The following USP42 variants were observed in gnomAD, a reference collection of about 807,000 sequenced individuals.
USP42 encodes ubiquitin carboxyl-terminal hydrolase 42.
USP42 carries 23 observed loss-of-function variants against 113.0 expected under a neutral mutation model. The ratio of observed to expected loss-of-function variants is 0.20; its 90% CI spans 0.15 to 0.29. The LOEUF is 0.29. Among genes scored for constraint, USP42 ranks in the 10% least tolerant of loss-of-function variants. The pLI, the probability that USP42 is intolerant of heterozygous loss-of-function variation, is 1.00. For synonymous variants in USP42, 933 were observed against 699.0 expected (o/e 1.33, Z -5.28); for missense variants, 2,174 against 1,779.8 (o/e 1.22, Z -3.99).
intron 3 of USP42, among the ~76,000 whole-genome samples, chr7:6,124,156 G>A (rs1780392436): frequency 6.6e-6 from 1 of 151,932 alleles, no homozygotes; most frequent in East Asian, 1.9e-4. Flanking sequence ...GATTACAGGC[G>A]TGAGCTACCA....
the USP42 span, among the ~76,000 whole-genome samples, chr7:6,097,196 T>A: frequency 6.6e-6 from 1 of 151,050 alleles, no homozygotes; most frequent in East Asian, 1.9e-4. Context: ...GGGGTACCAC[T>A]TTTCCAACAC....
At chr7:6,140,233 C>T in intron 6 of USP42, 38 bp downstream of exon 6, 1 of 1,567,840 alleles carries the variant, frequency 6.4e-7, no homozygotes, top group African/African-American at 1.4e-5. Context: ...ATGATACACA[C>T]ATGTGGTTAA....
rs549660577 is a variant in USP42, at chr7:6,158,552, A to T, written c.3944-898A>T. On this transcript the variant is annotated intron_variant, in intron 16 of 17. Coordinates refer to ENST00000306177, the MANE Select transcript of USP42 (RefSeq NM_032172.3). The surrounding 1 kb of genome is among the most constrained non-coding windows in gnomAD (Gnocchi z 4.2). Reference sequence around the variant, plus strand: ...GGGTAAACGGTCCTTAGAGTGTGTGAGAGAGAGCTGGGGGTTGCGGGGTGA... The same window carrying T: ...GGGTAAACGGTCCTTAGAGTGTGTGTGAGAGAGCTGGGGGTTGCGGGGTGA... Among the ~76,000 whole-genome samples the T allele has an allele frequency of 5.8e-4, 89 of 152,228 alleles. No homozygotes were observed. Among genetic ancestry groups the T allele is most frequent in the Non-Finnish European group, 1.0e-3 (70 of 68,008 alleles).
chr7:6,099,083 G>A, the USP42 span, among the ~76,000 whole-genome samples: 2 of 149,834 alleles, frequency 1.3e-5, no homozygotes, highest in African/African-American at 5.0e-5. Flanking sequence ...TTTAGGTTAA[G>A]TCCTCTGCCT....
rs1216075189 is a variant in USP42 at position 6,154,531 on chromosome 7, C to T, written c.2977C>T (p.Arg993Cys). ...TCPRERDRQD[R>C]HAPEHHPGHG... ...CCCCCGGGAGCGCGACCGCCAGGAC[C>T]GCCACGCCCCGGAGCACCACCCCGG... is the stretch of plus-strand genomic sequence containing the variant. The change falls in exon 15 of 18, where the codon CGC becomes TGC. Residue 993 changes from arginine (R) to cysteine (C), a missense_variant. Transcript: ENST00000306177. 5.2e-6 allele frequency: 8 copies of T among 1,542,356 alleles called. No homozygotes were observed. In the East Asian group the frequency reaches 1.2e-4, roughly 24 times the overall value.
In USP42 at chr7:6,157,745, T is replaced by G. The variant is rs6463530; in HGVS notation, c.3943+690T>G. Reference sequence around the variant, plus strand: ...GCTCGGTACTGATTTGCTCGCTTGGTTCCTTAGAAGCGTGGGCACCAGCCT... The same window carrying G: ...GCTCGGTACTGATTTGCTCGCTTGGGTCCTTAGAAGCGTGGGCACCAGCCT... On this transcript the variant is annotated intron_variant, in intron 16 of 17. Coordinates refer to ENST00000306177, the MANE Select transcript of USP42 (RefSeq NM_032172.3). The surrounding 1 kb of genome is among the most constrained non-coding windows in gnomAD (Gnocchi z 4.1). Among the ~76,000 whole-genome samples, 51,766 of 151,866 alleles carry G rather than the reference T, an allele frequency of 0.34. 11,875 individuals are homozygous for G. The highest frequency in any genetic ancestry group is 0.66 in the African/African-American group (27,186 of 41,332).
the USP42 span, among the ~76,000 whole-genome samples, chr7:6,096,027 T>C: frequency 6.6e-6 from 1 of 150,956 alleles, no homozygotes; most frequent in South Asian, 2.1e-4. Context: ...TTCCCAAGCA[T>C]TGGGATTCCA....
upstream of USP42, among the ~76,000 whole-genome samples, chr7:6,104,007 C>T (rs1280985892): frequency 6.6e-6 from 1 of 151,366 alleles, no homozygotes; most frequent in Admixed American, 6.6e-5. Flanking sequence ...TCGCTTGAGC[C>T]CGGGAGGTCG....
In USP42 at chr7:6,118,337, C is replaced by T. The variant is rs574632327; in HGVS notation, c.442+2814C>T. 6.6e-5 allele frequency among the ~76,000 whole-genome samples: 10 copies of T among 152,190 alleles called. No individual in the cohort carries two copies. In the South Asian group the frequency reaches 1.5e-3, roughly 22 times the overall value. ...AGTAGTTTGAGACCAGTTTGGGCAA[C>T]ATGGTGAAACCCTGTCTCTATAAAA... On this transcript the variant is annotated intron_variant, in intron 3 of 17. Transcript: ENST00000306177.
the USP42 span, among the ~76,000 whole-genome samples, chr7:6,098,218 T>C: frequency 6.7e-6 from 1 of 150,324 alleles, no homozygotes; most frequent in Admixed American, 6.6e-5. Context: ...AGCTTATTTC[T>C]ATTGTCAAAT....
In USP42 at chr7:6,157,861, G is replaced by T. The variant is rs180970720; in HGVS notation, c.3943+806G>T. On this transcript the variant is annotated intron_variant, in intron 16 of 17. Transcript: ENST00000306177. This position sits in a 1 kb window ranked among gnomAD's most constrained non-coding sequence, Gnocchi z 4.1. ...GGATTCTCTTCTGCCCTGTGGGGCT[G>T]TGTCTCCGTCCTGTGGCCACACGCT... 4.6e-4 allele frequency among the ~76,000 whole-genome samples: 70 copies of T among 152,282 alleles called. No individual in the cohort carries two copies. Among genetic ancestry groups the T allele is most frequent in the Non-Finnish European group, 8.2e-4 (56 of 68,028 alleles).
rs368322762 is a variant in USP42, at chr7:6,146,231, T to C, written c.1215T>C (p.Tyr405=). 3.4e-5 allele frequency: 54 copies of C among 1,593,680 alleles called. No homozygotes were observed. Among genetic ancestry groups the C allele is most frequent in the Non-Finnish European group, 4.4e-5 (51 of 1,171,650 alleles). ...DIRSVLSQQA[Y]VLFYIRSHDV... is the part of the protein sequence containing the mutation. ...GATCGGTACTCAGCCAACAAGCCTATGTGCTCTTTTATATCAGGTATTGTC... is the reference window on the plus strand; with the variant it reads ...GATCGGTACTCAGCCAACAAGCCTACGTGCTCTTTTATATCAGGTATTGTC... Residue 405 remains tyrosine, a synonymous_variant, in exon 11 of 18, where the codon TAT becomes TAC. Coordinates refer to ENST00000306177, the MANE Select transcript of USP42 (RefSeq NM_032172.3).
Position 6,152,545 on chromosome 7 carries a change from G to T in USP42, c.2202-1211G>T, listed in dbSNP as rs549248105. Reference sequence around the variant, plus strand: ...CACTGAGGCCCTCTGTTAGGAGGGCGTAGATATTAAACCGGAATGGGGCGA... The same window carrying T: ...CACTGAGGCCCTCTGTTAGGAGGGCTTAGATATTAAACCGGAATGGGGCGA... On this transcript the variant is annotated intron_variant, in intron 14 of 17. Transcript: ENST00000306177. Among the ~76,000 whole-genome samples the T allele has an allele frequency of 4.6e-5, 7 of 152,256 alleles. No homozygotes were observed. The South Asian group carries it at 1.2e-3, about 27-fold the overall frequency.
Position 6,154,448 on chromosome 7 carries a change from C to A in USP42, c.2894C>A (p.Pro965His). 1 of 1,566,980 alleles carries A rather than the reference C, an allele frequency of 6.4e-7. No individual in the cohort carries two copies. The highest frequency in any genetic ancestry group is 8.6e-7 in the Non-Finnish European group (1 of 1,157,436). The part of the protein sequence containing the change: ...SRRERSSSGE[P>H]ARESRSKTEG... ...AGAGAGCGCTCGTCCAGCGGGGAGC[C>A]CGCCAGAGAGAGCAGGAGCAAGACT... Residue 965 changes from proline (P) to histidine (H), a missense_variant, in exon 15 of 18, where the codon CCC becomes CAC. Transcript: ENST00000306177.
At position 6,159,056 on chromosome 7, in the gene USP42, G is replaced by T. The variant is rs1001853113; in HGVS notation, c.3944-394G>T. Among the ~76,000 whole-genome samples the T allele has an allele frequency of 2.6e-5, 4 of 152,178 alleles. No individual in the cohort carries two copies. The highest frequency in any genetic ancestry group is 6.5e-5 in the Admixed American group (1 of 15,272). Reference sequence around the variant, plus strand: ...GGAGCCTTTCTTGTCCTTCTGAGAAGGCCGCTGCCCGGCCCCGCCTCACCC... The same window carrying T: ...GGAGCCTTTCTTGTCCTTCTGAGAATGCCGCTGCCCGGCCCCGCCTCACCC... On this transcript the variant is annotated intron_variant, in intron 16 of 17. Transcript: ENST00000306177. This position sits in a 1 kb window ranked among gnomAD's most constrained non-coding sequence, Gnocchi z 4.1.
At chr7:6,091,978 TTTCTTCTTCTTCTTCTTCTTCTTC>T in the USP42 span, among the ~76,000 whole-genome samples, 18 of 67,922 alleles carry the variant, frequency 2.7e-4, no homozygotes, top group South Asian at 1.0e-3. Context: ...GGACGTATTT[TTTCTTCTTCTTCTTCTTCTTCTTC>T]TTCTTCTTCT....
rs1055315995 is a variant in USP42 at position 6,157,928 on chromosome 7, CGTT to C, written c.3943+875_3943+877del. On this transcript the variant is annotated intron_variant, in intron 16 of 17. Transcript: ENST00000306177. The surrounding 1 kb of genome is among the most constrained non-coding windows in gnomAD (Gnocchi z 4.1). ...TGAGGCAGCCCCCCACTTCCTCTCC[CGTT>C]GGTGTCCGGTGACCGCTCACCCTCG... Among the ~76,000 whole-genome samples, 1 of 152,172 alleles carries C rather than the reference CGTT, an allele frequency of 6.6e-6. No homozygotes were observed. The highest frequency in any genetic ancestry group is 1.5e-5 in the Non-Finnish European group (1 of 68,038).
intron 3 of USP42, chr7:6,116,764 T>C (rs1304954655): frequency 3.8e-6 from 2 of 533,084 alleles, no homozygotes; most frequent in South Asian, 2.8e-5. Context: ...GAATTAACGT[T>C]CTGTTTGCCC....
At chr7:6,148,597 T>G (rs1781853543) in intron 12 of USP42, among the ~76,000 whole-genome samples, 1 of 152,104 alleles carries the variant, frequency 6.6e-6, no homozygotes, top group African/African-American at 2.4e-5. Context: ...TCCCCCTGGG[T>G]TTGATTTTAC....
Sources: allele counts gnomAD v4.1 joint callset (sites outside exome capture counted in the v4.1 genomes callset), GRCh38; gene constraint gnomAD v4.1.1; non-coding constraint Gnocchi (gnomAD v3.1); transcripts MANE v1.5; gene names NCBI Gene and HGNC (gene_info 2026-07-23, HGNC 2026-07-21).